Variants in STXBP5L observed in about 807,000 individuals in gnomAD.
STXBP5L encodes syntaxin-binding protein 5-like.
Under a neutral mutation model 144.5 loss-of-function variants are expected in STXBP5L, and 65 were observed. The observed-to-expected ratio is 0.45, with a 90% confidence interval of 0.37 to 0.55. The LOEUF (loss-of-function observed/expected upper bound fraction) is 0.55, where lower values mean the gene tolerates loss of function less well. STXBP5L is among the 20% of genes least tolerant of loss of function. The pLI is 0.00. For synonymous variants in STXBP5L, 505 were observed against 469.6 expected (o/e 1.08, Z -0.97); for missense variants, 1,298 against 1,405.5 (o/e 0.92, Z 1.22).
chr3:121,329,855 G>A (rs1577472575), intron 20 of STXBP5L, among the ~76,000 whole-genome samples: 1 of 152,068 alleles, frequency 6.6e-6, no homozygotes, highest in African/African-American at 2.4e-5. Context: ...GCAAGACCCT[G>A]TTCCCCCACA....
At chr3:121,073,255 C>T (rs2041881821) in intron 5 of STXBP5L, among the ~76,000 whole-genome samples, 1 of 152,204 alleles carries the variant, frequency 6.6e-6, no homozygotes, top group African/African-American at 2.4e-5. Context: ...AGCAGTGTGG[C>T]TGGATTTAGA....
chr3:121,304,107 A>G (rs2043249002), intron 19 of STXBP5L, among the ~76,000 whole-genome samples: 1 of 152,190 alleles, frequency 6.6e-6, no homozygotes, highest in Admixed American at 6.5e-5. Flanking sequence ...TGATATGGCT[A>G]TATTAATATT....
At chr3:120,990,577 C>G (rs1418231530) in intron 3 of STXBP5L, among the ~76,000 whole-genome samples, 4 of 152,032 alleles carry the variant, frequency 2.6e-5, no homozygotes, top group East Asian at 2.0e-4. Context: ...GCTACAGTAA[C>G]CAAAACAGCA....
chr3:121,098,103 A>G (rs963799710), intron 5 of STXBP5L, among the ~76,000 whole-genome samples: 1 of 152,216 alleles, frequency 6.6e-6, no homozygotes, highest in Non-Finnish European at 1.5e-5. Context: ...ACTGATATCA[A>G]GAAATGTGGA....
At chr3:121,167,583 C>A (rs1245782633) in intron 9 of STXBP5L, among the ~76,000 whole-genome samples, 1 of 152,032 alleles carries the variant, frequency 6.6e-6, no homozygotes, top group East Asian at 1.9e-4. Context: ...TGGGTGGAGC[C>A]CTCCTTAACT....
intron 2 of STXBP5L, among the ~76,000 whole-genome samples, chr3:120,935,319 C>T (rs754381894): frequency 1.1e-4 from 17 of 151,442 alleles, no homozygotes; most frequent in Admixed American, 2.0e-4. Context: ...TTTATAACTG[C>T]GTTCATTCAT....
chr3:121,056,491 T>TA (rs1948469453), intron 5 of STXBP5L, among the ~76,000 whole-genome samples: 1 of 152,222 alleles, frequency 6.6e-6, no homozygotes, highest in African/African-American at 2.4e-5. Context: ...GAAAACTCCA[T>TA]AATTTATGAA....
Position 121,339,256 on chromosome 3 carries a change from T to A in STXBP5L, c.2176+20716T>A, listed in dbSNP as rs531306055. Among the ~76,000 whole-genome samples, 71 of 152,324 alleles carry A rather than the reference T, an allele frequency of 4.7e-4. No homozygotes were observed. The South Asian group carries it at 9.7e-3, about 21-fold the overall frequency. ...GGGTATTATCCCAGGGATGCAGGGA[T>A]GGTTCAACATATGCAAGTCAATAAA... is the stretch of plus-strand genomic sequence containing the variant. On this transcript the variant is annotated intron_variant, in intron 20 of 26. Coordinates refer to ENST00000471454, the MANE Select transcript of STXBP5L (RefSeq NM_001308330.2).
At position 121,347,459 on chromosome 3, in the gene STXBP5L, T is replaced by C. The variant is rs145464154; in HGVS notation, c.2176+28919T>C. Among the ~76,000 whole-genome samples, 825 of 152,328 alleles carry C rather than the reference T, an allele frequency of 5.4e-3. 12 individuals carry two copies. Among genetic ancestry groups the C allele is most frequent in the African/African-American group, 0.019 (791 of 41,560 alleles). On this transcript the variant is annotated intron_variant, in intron 20 of 26. Coordinates refer to ENST00000471454, the MANE Select transcript of STXBP5L (RefSeq NM_001308330.2). ...TTGTGGCCTCTTTTTTCATTCCATA[T>C]GAACTTTAAAGTAGTTTTTTCCAAT...
At chr3:121,282,272 T>C (rs2051086078) in intron 19 of STXBP5L, 2 of 1,611,764 alleles carry the variant, frequency 1.2e-6, no homozygotes, top group Non-Finnish European at 1.7e-6. Context: ...AAAGACAACT[T>C]TTGCATGCGT....
chr3:121,188,499 C>CAA (rs34216668), intron 9 of STXBP5L, among the ~76,000 whole-genome samples: 66,964 of 146,774 alleles, frequency 0.46, 15,765 homozygotes, highest in East Asian at 0.71. Context: ...AGAGACACAG[C>CAA]AAAAAAAAAA....
chr3:121,255,295 AAAGGC>A (rs2050169340), intron 16 of STXBP5L, among the ~76,000 whole-genome samples, 183 bp downstream of exon 16: 1 of 152,120 alleles, frequency 6.6e-6, no homozygotes, highest in Non-Finnish European at 1.5e-5. Flanking sequence ...ATTTGGCCTA[AAAGGC>A]CAAAACAATT....
intron 2 of STXBP5L, 93 bp from the exon 3 acceptor site, chr3:120,954,847 A>G: frequency 1.0e-6 from 1 of 983,228 alleles, no homozygotes; most frequent in East Asian, 2.8e-5. Flanking sequence ...CCTTTAAACT[A>G]ATTTTAGACA....
intron 5 of STXBP5L, among the ~76,000 whole-genome samples, chr3:121,050,294 C>T (rs1348767248): frequency 6.6e-6 from 1 of 152,040 alleles, no homozygotes; most frequent in Non-Finnish European, 1.5e-5. Flanking sequence ...TTTGTTGAAA[C>T]TAGATAGGAC....
At chr3:121,401,894 T>TAAA (rs71133532) in intron 22 of STXBP5L, among the ~76,000 whole-genome samples, 2 of 137,638 alleles carry the variant, frequency 1.5e-5, no homozygotes, top group African/African-American at 5.4e-5. Context: ...TAGAGTATAA[T>TAAA]AAAAAAAAAA....
intron 5 of STXBP5L, among the ~76,000 whole-genome samples, chr3:121,080,434 C>G (rs2042203255): frequency 6.6e-6 from 1 of 151,816 alleles, no homozygotes; most frequent in Non-Finnish European, 1.5e-5. Flanking sequence ...GAGATTTATG[C>G]TTTAAGGGGT....
intron 10 of STXBP5L, among the ~76,000 whole-genome samples, chr3:121,208,896 C>T (rs2048443558): frequency 6.6e-6 from 1 of 152,104 alleles, no homozygotes; most frequent in South Asian, 2.1e-4. Context: ...TCTCCTAATG[C>T]TATCCCTCCC....
At chr3:121,008,435 C>A (rs1184910027) in intron 3 of STXBP5L, among the ~76,000 whole-genome samples, 2 of 151,990 alleles carry the variant, frequency 1.3e-5, no homozygotes, top group Non-Finnish European at 2.9e-5. Flanking sequence ...ACAGGAAGTG[C>A]ACATTTCCAA....
intron 22 of STXBP5L, 86 bp from the exon 23 acceptor site, chr3:121,407,157 T>C: frequency 6.8e-7 from 1 of 1,468,152 alleles, no homozygotes; most frequent in African/African-American, 1.4e-5. Context: ...TCTATAGGTA[T>C]AAATTATCAC....
Sources: allele counts gnomAD v4.1 joint callset (sites outside exome capture counted in the v4.1 genomes callset), GRCh38; gene constraint gnomAD v4.1.1; transcripts MANE v1.5; gene names NCBI Gene and HGNC (gene_info 2026-07-23, HGNC 2026-07-21).